Variants in JMJD1C observed in about 807,000 individuals in gnomAD.
JMJD1C encodes jumonji domain containing 1C, also known as jumonji domain-containing protein 1C.
A neutral mutation model predicts 245.3 loss-of-function variants in JMJD1C; 31 were observed. The observed-to-expected ratio is 0.13, with a 90% CI of 0.09 to 0.17. JMJD1C has a LOEUF of 0.17. Among genes scored for constraint, JMJD1C ranks in the 10% least tolerant of loss-of-function variants. The pLI, the probability that JMJD1C is intolerant of heterozygous loss-of-function variation, is 1.00. For missense variants in JMJD1C, 2,691 were observed against 3,000.2 expected, an observed-to-expected ratio of 0.90 and a Z score of 2.41; for synonymous variants, 1,057 against 1,017.4, an observed-to-expected ratio of 1.04 and a Z score of -0.74.
intron 1 of JMJD1C, among the ~76,000 whole-genome samples, chr10:63,381,796 T>A (rs1347359635): frequency 6.6e-6 from 1 of 152,196 alleles, no homozygotes; most frequent in East Asian, 1.9e-4. Context: ...CATAACTATA[T>A]CAAGTAAAGC....
chr10:63,455,395 G>A (rs1212842096), intron 1 of JMJD1C, among the ~76,000 whole-genome samples: 2 of 152,136 alleles, frequency 1.3e-5, no homozygotes, highest in Non-Finnish European at 2.9e-5. Flanking sequence ...ATAAAAGGTT[G>A]ACAATCATGA....
At chr10:63,194,593 G>A (rs1024765906) in intron 13 of JMJD1C, 1 of 416,448 alleles carries the variant, frequency 2.4e-6, no homozygotes, top group African/African-American at 2.0e-5. Flanking sequence ...ACCATTTCCT[G>A]ATTTTATAAA....
intron 2 of JMJD1C, among the ~76,000 whole-genome samples, chr10:63,275,829 C>G (rs930968998): frequency 2.0e-5 from 3 of 151,978 alleles, no homozygotes; most frequent in Admixed American, 1.3e-4. Context: ...CCTTTTTTTC[C>G]TCACAACCAT....
intron 1 of JMJD1C, chr10:63,521,539 C>A (rs1955242197): frequency 4.2e-6 from 6 of 1,432,822 alleles, no homozygotes; most frequent in Non-Finnish European, 5.5e-6. Context: ...CCCAAGCCCC[C>A]GTGAAGATGG....
intron 1 of JMJD1C, among the ~76,000 whole-genome samples, chr10:63,502,085 A>G (rs933158724): frequency 2.0e-5 from 3 of 152,244 alleles, no homozygotes; most frequent in Non-Finnish European, 2.9e-5. Flanking sequence ...TTATTTATGT[A>G]CATTCATTTC....
At chr10:63,311,208 TAAAA>T (rs35736800) in intron 2 of JMJD1C, among the ~76,000 whole-genome samples, 1 of 128,770 alleles carries the variant, frequency 7.8e-6, no homozygotes. Flanking sequence ...CCGGCTCTAT[TAAAA>T]AAAAAAAAAA....
chr10:63,323,037 A>G (rs545375056), intron 2 of JMJD1C, among the ~76,000 whole-genome samples: 12 of 152,080 alleles, frequency 7.9e-5, no homozygotes, highest in Non-Finnish European at 1.8e-4. Context: ...AAATTAGATA[A>G]TGTTGAACAA....
intron 3 of JMJD1C, 59 bp from the exon 4 acceptor site, chr10:63,220,042 G>T: frequency 7.9e-7 from 1 of 1,261,252 alleles, no homozygotes; most frequent in Non-Finnish European, 1.1e-6. Flanking sequence ...TAATGTTACC[G>T]ACTTTCCCTC....
intron 2 of JMJD1C, chr10:63,268,670 T>C (rs753276652): frequency 7.1e-5 from 69 of 976,298 alleles, no homozygotes; most frequent in Non-Finnish European, 8.0e-5. Flanking sequence ...TACTTTGTTC[T>C]TGAGAATTTT....
intron 2 of JMJD1C, among the ~76,000 whole-genome samples, chr10:63,345,812 A>G (rs1042210482): frequency 7.2e-5 from 11 of 152,198 alleles, no homozygotes; most frequent in Admixed American, 5.2e-4. Context: ...TTTAGTGTAC[A>G]CACATTTTTA....
At chr10:63,407,803 C>T (rs1459720449) in intron 1 of JMJD1C, among the ~76,000 whole-genome samples, 1 of 141,292 alleles carries the variant, frequency 7.1e-6, no homozygotes, top group African/African-American at 2.6e-5. Flanking sequence ...CAAAATACAA[C>T]AATCTGGAGA....
At position 63,236,351 on chromosome 10, in the gene JMJD1C, G is replaced by T. The variant is rs183151607; in HGVS notation, c.448-16368C>A. On this transcript the variant is annotated intron_variant, in intron 3 of 25. Coordinates refer to ENST00000399262, the MANE Select transcript of JMJD1C (RefSeq NM_032776.3). ...AGGTCCGCTCCTCTCAGAATAACCA[G>T]AGTAAAAAAATCAGATAAATTAAGA... Among the ~76,000 whole-genome samples the T allele has an allele frequency of 2.6e-5, 4 of 152,220 alleles. No homozygotes were observed. In the East Asian group the frequency reaches 5.8e-4, roughly 22 times the overall value.
chr10:63,248,814 T>C (rs1476628691), intron 3 of JMJD1C, among the ~76,000 whole-genome samples: 3 of 152,140 alleles, frequency 2.0e-5, no homozygotes, highest in African/African-American at 4.8e-5. Context: ...AGCCAAAATA[T>C]GGACTCCACC....
chr10:63,502,564 C>T (rs1451774810), intron 1 of JMJD1C, among the ~76,000 whole-genome samples: 1 of 144,926 alleles, frequency 6.9e-6, no homozygotes, highest in African/African-American at 2.5e-5. Flanking sequence ...TGTGAACCCG[C>T]GAGGCGGAGC....
intron 1 of JMJD1C, among the ~76,000 whole-genome samples, chr10:63,516,254 G>A (rs1031240597): frequency 6.6e-6 from 1 of 150,850 alleles, no homozygotes; most frequent in African/African-American, 2.4e-5. Flanking sequence ...AAAAAACCTG[G>A]GAACAGAGAC....
Position 63,176,500 on chromosome 10 carries a change from C to G in JMJD1C, c.7225-27G>C. 3 of 1,527,358 alleles carry G rather than the reference C, an allele frequency of 2.0e-6. No individual in the cohort carries two copies. The South Asian group carries it at 3.5e-5, about 18-fold the overall frequency. The allele number at this position is 1,527,358 out of a possible 1,614,324, so 94.6% of individuals were successfully genotyped here. On this transcript the variant is annotated intron_variant, in intron 23 of 25. Coordinates refer to ENST00000399262, the MANE Select transcript of JMJD1C (RefSeq NM_032776.3). ...TGAAATATGAATTAAAATAGACACTCCAATTTAAGTAAGGAAATGGTAAAT... is the reference window on the plus strand; with the variant it reads ...TGAAATATGAATTAAAATAGACACTGCAATTTAAGTAAGGAAATGGTAAAT...
chr10:63,399,307 C>T (rs951934200), intron 1 of JMJD1C, among the ~76,000 whole-genome samples: 9 of 152,120 alleles, frequency 5.9e-5, no homozygotes, highest in African/African-American at 2.2e-4. Flanking sequence ...TCATCTTGTC[C>T]ATTTCCTGCC....
At position 63,176,524 on chromosome 10, in the gene JMJD1C, A is replaced by G. The variant is rs1307349895; in HGVS notation, c.7225-51T>C. The G allele has an allele frequency of 2.2e-6, 3 of 1,339,918 alleles. No individual in the cohort carries two copies. The African/African-American group carries it at 4.4e-5, about 20-fold the overall frequency. 83.0% of individuals were successfully genotyped at this position (1,339,918 alleles called of 1,614,324 possible). A position where few individuals can be genotyped will look rare whatever the true frequency, so the allele number is the denominator to read the frequency against. ...TCCAATTTAAGTAAGGAAATGGTAA[A>G]TCCTGTTCAGTTAAATTTCAATTTT... On this transcript the variant is annotated intron_variant, in intron 23 of 25. Transcript: ENST00000399262.
intron 2 of JMJD1C, among the ~76,000 whole-genome samples, chr10:63,378,813 A>G (rs4310508): frequency 0.43 from 64,684 of 151,964 alleles, 14,394 homozygotes; most frequent in South Asian, 0.53. Context: ...GTTAAGGTCT[A>G]TAAAAGTTTA....
Sources: allele counts gnomAD v4.1 joint callset (sites outside exome capture counted in the v4.1 genomes callset), GRCh38; gene constraint gnomAD v4.1.1; transcripts MANE v1.5; gene names NCBI Gene and HGNC (gene_info 2026-07-23, HGNC 2026-07-21).